The following WDR72 variants were observed in gnomAD, a reference collection of about 807,000 sequenced individuals.
WDR72 encodes the protein WD repeat-containing protein 72.
Under a neutral mutation model 124.2 loss-of-function variants are expected in WDR72, and 120 were observed. That is an observed-to-expected ratio of 0.97 (90% CI 0.83 to 1.12). The LOEUF (loss-of-function observed/expected upper bound fraction) is 1.12. WDR72 is among the 50% of genes most tolerant of loss of function. The pLI, the probability that WDR72 is intolerant of heterozygous loss-of-function variation, is 0.00. For synonymous variants in WDR72, 452 were observed against 441.7 expected (o/e 1.02, Z -0.29); for missense variants, 1,387 against 1,278.8 (o/e 1.08, Z -1.29).
chr15:53,668,965 G>A (rs865952579), intron 13 of WDR72, among the ~76,000 whole-genome samples: 9 of 38,580 alleles, frequency 2.3e-4, no homozygotes, highest in Non-Finnish European at 4.8e-4. Context: ...GGAGGAGAAG[G>A]AGGAGGAGGA....
chr15:53,697,554 G>A (rs930311115), intron 13 of WDR72, among the ~76,000 whole-genome samples: 1 of 152,094 alleles, frequency 6.6e-6, no homozygotes, highest in Non-Finnish European at 1.5e-5. Context: ...GGTGGCCAGA[G>A]CTTCCTGATG....
chr15:53,720,359 G>T (rs1031337000), intron 3 of WDR72, among the ~76,000 whole-genome samples: 1 of 152,122 alleles, frequency 6.6e-6, no homozygotes, highest in African/African-American at 2.4e-5. Flanking sequence ...GTGTGAATGG[G>T]TGTATATAAA....
At chr15:53,613,421 C>T (rs1291273950) in intron 16 of WDR72, among the ~76,000 whole-genome samples, 1 of 151,924 alleles carries the variant, frequency 6.6e-6, no homozygotes, top group Non-Finnish European at 1.5e-5. Flanking sequence ...ATAAAATGTT[C>T]AATCTATGTT....
In WDR72 at chr15:53,516,068, T is replaced by A. The variant is rs1891445643; in HGVS notation, c.*1631A>T. ...TTGCTACCTTCCTTTATTTTGAAAC[T>A]TGTTTGAAGTGGCTTTTGACTGTTT... On this transcript the variant is annotated 3_prime_UTR_variant, in exon 20 of 20. Transcript: ENST00000360509. 6.6e-6 allele frequency: 1 copy of A among 152,128 alleles called. No individual in the cohort carries two copies. Among genetic ancestry groups the A allele is most frequent in the Admixed American group, 6.6e-5 (1 of 15,264 alleles). The allele number at this position is 152,128 out of a possible 1,614,324, so 9.4% of individuals were successfully genotyped here.
At position 53,668,926 on chromosome 15, in the gene WDR72, AAGG is replaced by A. The variant is rs1165542245; in HGVS notation, c.1766-3161_1766-3159del. On this transcript the variant is annotated intron_variant, in intron 13 of 19. Coordinates refer to ENST00000360509, the MANE Select transcript of WDR72 (RefSeq NM_182758.4). The stretch of plus-strand genomic sequence containing the variant: ...TCTCAAAAAAAAAAAAAAAAAGAGG[AAGG>A]AGGAGGAGGAGGAGGAGCAGGAGGA... Among the ~76,000 whole-genome samples the A allele has an allele frequency of 5.6e-4, 38 of 67,342 alleles. 1 individual carries two copies. The highest frequency in any genetic ancestry group is 6.1e-4 in the Admixed American group (3 of 4,910). The allele number at this position is 67,342 out of a possible 152,430, so 44.2% of individuals were successfully genotyped here. A position where few individuals can be genotyped will look rare whatever the true frequency, so the allele number is the denominator to read the frequency against.
chr15:53,549,422 C>A (rs1204771262), intron 18 of WDR72, among the ~76,000 whole-genome samples: 1 of 152,130 alleles, frequency 6.6e-6, no homozygotes, highest in Non-Finnish European at 1.5e-5. Context: ...CATATATATA[C>A]TTTACACATC....
intron 18 of WDR72, among the ~76,000 whole-genome samples, chr15:53,547,244 T>C (rs1893515753): frequency 6.6e-6 from 1 of 152,244 alleles, no homozygotes; most frequent in South Asian, 2.1e-4. Flanking sequence ...GCGATTCTCC[T>C]GCCTCAGCCT....
chr15:53,641,840 T>C (rs1294509415), intron 14 of WDR72, among the ~76,000 whole-genome samples: 1 of 151,856 alleles, frequency 6.6e-6, no homozygotes, highest in Non-Finnish European at 1.5e-5. Flanking sequence ...TTATTTTTTG[T>C]TTTATTAGGT....
At chr15:53,646,959 A>G (rs2015064085) in intron 14 of WDR72, among the ~76,000 whole-genome samples, 1 of 152,138 alleles carries the variant, frequency 6.6e-6, no homozygotes, top group African/African-American at 2.4e-5. Flanking sequence ...TATTGCCTGT[A>G]CTAGAGACAA....
chr15:53,730,946 T>G (rs983949376), intron 2 of WDR72, among the ~76,000 whole-genome samples: 4 of 151,914 alleles, frequency 2.6e-5, no homozygotes, highest in Non-Finnish European at 5.9e-5. Context: ...AGTTGCAATG[T>G]GGGGGGGCAA....
chr15:53,715,684 C>G (rs1306484796), intron 4 of WDR72, among the ~76,000 whole-genome samples: 2 of 152,130 alleles, frequency 1.3e-5, no homozygotes, highest in Non-Finnish European at 2.9e-5. Context: ...GGACCAGGCA[C>G]AGTGGTTCAT....
At chr15:53,735,392 C>A (rs2018324072) in intron 1 of WDR72, among the ~76,000 whole-genome samples, 1 of 152,088 alleles carries the variant, frequency 6.6e-6, no homozygotes, top group Non-Finnish European at 1.5e-5. Flanking sequence ...AGAAATAGGT[C>A]AGTGATTGCT....
At chr15:53,706,115 T>A in intron 9 of WDR72, 41 bp from the exon 10 acceptor site, 1 of 1,605,110 alleles carries the variant, frequency 6.2e-7, no homozygotes, top group Non-Finnish European at 8.5e-7. Context: ...ATATTCTAAC[T>A]AGAGAGAGAT....
chr15:53,635,303 G>T (rs574352503), intron 14 of WDR72, among the ~76,000 whole-genome samples: 7 of 152,174 alleles, frequency 4.6e-5, no homozygotes, highest in Non-Finnish European at 8.8e-5. Context: ...CACAGCTTTT[G>T]CCTATATGAC....
intron 6 of WDR72, among the ~76,000 whole-genome samples, chr15:53,713,475 C>T (rs2017613102): frequency 3.4e-5 from 1 of 29,222 alleles, no homozygotes. Context: ...CCTTGAGACA[C>T]AGTCTTGCTG....
At chr15:53,704,650 C>G (rs963520375) in intron 11 of WDR72, among the ~76,000 whole-genome samples, 2 of 149,758 alleles carry the variant, frequency 1.3e-5, no homozygotes, top group Non-Finnish European at 3.0e-5. Flanking sequence ...CTCAGCCTCC[C>G]AAGTAGCTGG....
At chr15:53,701,145 T>C (rs1567036235) in intron 12 of WDR72, among the ~76,000 whole-genome samples, 1 of 152,252 alleles carries the variant, frequency 6.6e-6, no homozygotes, top group Non-Finnish European at 1.5e-5. Flanking sequence ...GAGAAAATTC[T>C]ACCTAAAGCG....
chr15:53,717,065 G>A (rs1021019889), intron 3 of WDR72, among the ~76,000 whole-genome samples: 4 of 151,934 alleles, frequency 2.6e-5, no homozygotes, highest in Non-Finnish European at 5.9e-5. Flanking sequence ...TGCATCAAGC[G>A]CTGCATCTTC....
intron 18 of WDR72, among the ~76,000 whole-genome samples, chr15:53,556,438 T>C (rs1311608773): frequency 2.0e-5 from 3 of 152,076 alleles, no homozygotes; most frequent in Non-Finnish European, 4.4e-5. Flanking sequence ...AGACTGCCTA[T>C]AGTAGGGTCT....
Sources: gnomAD v4.1 joint callset for allele counts (sites outside exome capture counted in the v4.1 genomes callset) on GRCh38, gnomAD v4.1.1 for gene constraint, MANE v1.5 for transcripts, NCBI Gene and HGNC (gene_info 2026-07-23, HGNC 2026-07-21) for gene names.